The following MAP2K1 variants were observed in gnomAD, a reference collection of about 807,000 sequenced individuals.
MAP2K1 encodes the protein dual specificity mitogen-activated protein kinase kinase 1.
MAP2K1 carries 16 observed loss-of-function variants against 46.3 expected under a neutral mutation model. That is an observed-to-expected ratio of 0.35 (90% confidence interval 0.23 to 0.52). The LOEUF (loss-of-function observed/expected upper bound fraction) is 0.52, where lower values mean the gene tolerates loss of function less well. Among genes scored for constraint, MAP2K1 ranks in the 20% least tolerant of loss-of-function variants. The pLI, the probability that MAP2K1 is intolerant of heterozygous loss-of-function variation, is 0.94. For synonymous variants in MAP2K1, 183 were observed against 185.6 expected, an observed-to-expected ratio of 0.99 and a Z score of 0.11; for missense variants, 263 against 497.1, an observed-to-expected ratio of 0.53 and a Z score of 4.48.
At chr15:66,452,323 T>C (rs1294251339) in intron 5 of MAP2K1, among the ~76,000 whole-genome samples, 1 of 129,048 alleles carries the variant, frequency 7.7e-6, no homozygotes, top group Non-Finnish European at 1.7e-5. Context: ...AAGCTAAATA[T>C]AGAAAGCCAC....
intron 1 of MAP2K1, among the ~76,000 whole-genome samples, chr15:66,405,810 A>G (rs1170132221): frequency 6.6e-6 from 1 of 152,230 alleles, no homozygotes; most frequent in South Asian, 2.1e-4. Context: ...TTGGAAAGGA[A>G]TTCCATTCTT....
chr15:66,434,956 A>G (rs373479778), intron 1 of MAP2K1, 71 bp from the exon 2 acceptor site: 1 of 1,010,906 alleles, frequency 9.9e-7, no homozygotes, highest in Non-Finnish European at 1.6e-6. Flanking sequence ...CTTTCTTTCC[A>G]TGATAGGAGT....
intron 1 of MAP2K1, among the ~76,000 whole-genome samples, chr15:66,425,944 T>C (rs1451164646): frequency 6.6e-6 from 1 of 152,174 alleles, no homozygotes; most frequent in Admixed American, 6.5e-5. Flanking sequence ...GGGAAAGACT[T>C]TTCTCTCAGA....
In MAP2K1 at chr15:66,464,104, CCTTTT is replaced by C. The variant is rs544519722; in HGVS notation, c.569-17645_569-17641del. 1.2e-3 allele frequency among the ~76,000 whole-genome samples: 177 copies of C among 152,294 alleles called. 1 individual carries two copies. The highest frequency in any genetic ancestry group is 4.8e-3 in the South Asian group (23 of 4,828). On this transcript the variant is annotated intron_variant, in intron 5 of 10. Coordinates refer to ENST00000307102, the MANE Select transcript of MAP2K1 (RefSeq NM_002755.4). The stretch of plus-strand genomic sequence containing the variant: ...GATTTATTTTCTTTCACATTTCCCC[CCTTTT>C]CTTTTTAAAAACTTTTGAGAAAGCA...
intron 5 of MAP2K1, among the ~76,000 whole-genome samples, chr15:66,475,874 T>C (rs1892745029): frequency 6.6e-6 from 1 of 152,224 alleles, no homozygotes; most frequent in Admixed American, 6.5e-5. Flanking sequence ...TCAGTGCAGA[T>C]ACTCTGTGTT....
chr15:66,488,118 C>T (rs1241066206), intron 8 of MAP2K1, among the ~76,000 whole-genome samples: 2 of 152,096 alleles, frequency 1.3e-5, no homozygotes, highest in Admixed American at 1.3e-4. Flanking sequence ...GGCAGTTGTT[C>T]TACTGCAGCC....
At chr15:66,466,040 C>T (rs1892456815) in intron 5 of MAP2K1, among the ~76,000 whole-genome samples, 1 of 152,202 alleles carries the variant, frequency 6.6e-6, no homozygotes, top group South Asian at 2.1e-4. Context: ...GGCTCCTGGG[C>T]CTATCAGAAA....
At chr15:66,404,021 G>T (rs1185677980) in intron 1 of MAP2K1, among the ~76,000 whole-genome samples, 1 of 152,168 alleles carries the variant, frequency 6.6e-6, no homozygotes, top group South Asian at 2.1e-4. Context: ...CTGTATTTCA[G>T]CTCCTCTTTC....
At chr15:66,390,733 A>G (rs1051044651) in intron 1 of MAP2K1, among the ~76,000 whole-genome samples, 2 of 152,168 alleles carry the variant, frequency 1.3e-5, no homozygotes, top group Non-Finnish European at 2.9e-5. Context: ...GTTACACAAA[A>G]TCCAAACTCC....
intron 6 of MAP2K1, among the ~76,000 whole-genome samples, chr15:66,484,265 A>C (rs906613106): frequency 2.0e-5 from 3 of 151,292 alleles, no homozygotes; most frequent in Non-Finnish European, 4.4e-5. Context: ...CTCCTGCCTC[A>C]GCCTCCCAAG....
intron 1 of MAP2K1, among the ~76,000 whole-genome samples, chr15:66,434,235 G>C (rs1352364758): frequency 6.6e-6 from 1 of 152,040 alleles, no homozygotes; most frequent in Non-Finnish European, 1.5e-5. Context: ...ATTAAGATTG[G>C]GGGAAATCAT....
intron 1 of MAP2K1, among the ~76,000 whole-genome samples, chr15:66,405,355 A>G (rs898296370): frequency 4.6e-5 from 7 of 152,228 alleles, no homozygotes; most frequent in Non-Finnish European, 8.8e-5. Flanking sequence ...CCTAGGTTGC[A>G]CTGCCCACAT....
chr15:66,471,703 A>G (rs1290223045), intron 5 of MAP2K1, among the ~76,000 whole-genome samples: 1 of 152,182 alleles, frequency 6.6e-6, no homozygotes, highest in Non-Finnish European at 1.5e-5. Flanking sequence ...AAGGATAGAA[A>G]TACAGCTGGC....
At chr15:66,401,256 T>C (rs1420521565) in intron 1 of MAP2K1, among the ~76,000 whole-genome samples, 1 of 152,210 alleles carries the variant, frequency 6.6e-6, no homozygotes, top group Non-Finnish European at 1.5e-5. Context: ...ATCTACCAAA[T>C]CAGAGGCAAT....
intron 3 of MAP2K1, among the ~76,000 whole-genome samples, chr15:66,441,362 A>ATT (rs1402769218): frequency 6.6e-6 from 1 of 152,164 alleles, no homozygotes; most frequent in African/African-American, 2.4e-5. Flanking sequence ...CCTAGGCTGC[A>ATT]TTTAGGGTCA....
At chr15:66,399,048 C>T (rs1005425198) in intron 1 of MAP2K1, among the ~76,000 whole-genome samples, 1 of 152,176 alleles carries the variant, frequency 6.6e-6, no homozygotes, top group African/African-American at 2.4e-5. Flanking sequence ...GCTGGGATTA[C>T]AGGCGTGAGC....
At chr15:66,444,529 G>T in intron 4 of MAP2K1, 127 bp from the exon 5 acceptor site, 1 of 736,930 alleles carries the variant, frequency 1.4e-6, no homozygotes, top group Non-Finnish European at 2.5e-6. Flanking sequence ...GTGAAACTGC[G>T]TCTCAAAGGA....
At chr15:66,435,583 C>G (rs942265694) in intron 2 of MAP2K1, among the ~76,000 whole-genome samples, 11 of 152,074 alleles carry the variant, frequency 7.2e-5, no homozygotes, top group African/African-American at 2.7e-4. Context: ...CCGCCTCAGC[C>G]CCACAAAGTG....
intron 3 of MAP2K1, among the ~76,000 whole-genome samples, chr15:66,441,087 C>T (rs1159201982): frequency 2.0e-5 from 3 of 152,138 alleles, no homozygotes; most frequent in Non-Finnish European, 4.4e-5. Flanking sequence ...CTTAGCCTCC[C>T]AAGTAGCAGG....
Sources: allele counts gnomAD v4.1 joint callset (sites outside exome capture counted in the v4.1 genomes callset), GRCh38; gene constraint gnomAD v4.1.1; transcripts MANE v1.5; gene names NCBI Gene and HGNC (gene_info 2026-07-23, HGNC 2026-07-21).